Variants in CCDC146 observed in about 807,000 individuals in gnomAD.
CCDC146 encodes coiled-coil domain containing 146.
A neutral mutation model predicts 119.3 loss-of-function variants in CCDC146; 92 were observed. That is an observed-to-expected ratio of 0.77 (90% CI 0.65 to 0.92). The LOEUF (loss-of-function observed/expected upper bound fraction) is 0.92. CCDC146 is among the 40% of genes least tolerant of loss of function. The probability of loss-of-function intolerance (pLI) is 0.00; values close to 1 mark genes in which losing one functional copy is unlikely to be tolerated. For synonymous variants in CCDC146, 372 were observed against 371.8 expected (o/e 1.00, Z -0.01); for missense variants, 1,000 against 1,103.0 (o/e 0.91, Z 1.32).
chr7:77,153,356 T>G (rs1791133652), intron 1 of CCDC146, among the ~76,000 whole-genome samples: 1 of 152,046 alleles, frequency 6.6e-6, no homozygotes, highest in African/African-American at 2.4e-5. Context: ...TACACTAGTA[T>G]TGTAATGTTA....
chr7:77,289,417 C>G (rs572415909), intron 17 of CCDC146, among the ~76,000 whole-genome samples: 1 of 152,314 alleles, frequency 6.6e-6, no homozygotes, highest in East Asian at 1.9e-4. Flanking sequence ...TTGGCTTCTT[C>G]CTCCTCCCCA....
rs564666593 is a variant in CCDC146 at position 77,171,979 on chromosome 7, T to C, written c.156+4155T>C. On this transcript the variant is annotated intron_variant, in intron 2 of 18. Coordinates refer to ENST00000285871, the MANE Select transcript of CCDC146 (RefSeq NM_020879.3). ...TGGATGCATAATTTATAGTTATTAA[T>C]TGCTGGGTATAACAGGCCTCTGATA... 9.2e-5 allele frequency among the ~76,000 whole-genome samples: 14 copies of C among 152,362 alleles called. No homozygotes were observed. The East Asian group carries it at 1.3e-3, about 15-fold the overall frequency.
intron 14 of CCDC146, 77 bp downstream of exon 14, chr7:77,280,730 A>C (rs774364402): frequency 6.0e-5 from 57 of 952,626 alleles, no homozygotes; most frequent in Non-Finnish European, 8.1e-5. Flanking sequence ...TAGACTTGAC[A>C]GTGAATAGTG....
At chr7:77,160,595 C>G (rs966413468) in intron 1 of CCDC146, among the ~76,000 whole-genome samples, 1 of 152,104 alleles carries the variant, frequency 6.6e-6, no homozygotes, top group East Asian at 1.9e-4. Flanking sequence ...TATAGGAATG[C>G]TTGTGATTTT....
intron 7 of CCDC146, chr7:77,259,311 T>C (rs1668379077): frequency 5.3e-6 from 2 of 378,118 alleles, no homozygotes; most frequent in African/African-American, 2.1e-5. Context: ...TTATAAATCA[T>C]ATTTTTATGG....
intron 1 of CCDC146, among the ~76,000 whole-genome samples, chr7:77,156,654 T>C (rs963352142): frequency 6.6e-5 from 10 of 152,340 alleles, no homozygotes; most frequent in African/African-American, 2.4e-4. Context: ...AAAATGAGCA[T>C]TGTATAATTG....
At chr7:77,176,153 C>T (rs1369456786) in intron 2 of CCDC146, among the ~76,000 whole-genome samples, 1 of 151,034 alleles carries the variant, frequency 6.6e-6, no homozygotes, top group African/African-American at 2.5e-5. Flanking sequence ...CCCAAAGTAC[C>T]TCAAACTAAA....
intron 1 of CCDC146, among the ~76,000 whole-genome samples, chr7:77,149,266 G>T (rs1046598121): frequency 1.3e-5 from 2 of 152,050 alleles, no homozygotes; most frequent in Non-Finnish European, 2.9e-5. Flanking sequence ...GGGAAAACTG[G>T]CTAGCCATAT....
chr7:77,145,663 A>G (rs1791006214), intron 1 of CCDC146, among the ~76,000 whole-genome samples: 1 of 152,196 alleles, frequency 6.6e-6, no homozygotes, highest in Non-Finnish European at 1.5e-5. Context: ...TTCTGCCTTC[A>G]CTTCGTTATG....
chr7:77,282,918 T>A, intron 15 of CCDC146, 133 bp downstream of exon 15: 1 of 638,304 alleles, frequency 1.6e-6, no homozygotes. Flanking sequence ...CCATCTTGTT[T>A]AAAAATACAT....
intron 9 of CCDC146, among the ~76,000 whole-genome samples, chr7:77,273,448 C>T (rs530501886): frequency 6.6e-6 from 1 of 152,194 alleles, no homozygotes; most frequent in South Asian, 2.1e-4. Context: ...GATTGAGATT[C>T]GTGATTTGCT....
chr7:77,287,907 C>T (rs1027201073), intron 17 of CCDC146, among the ~76,000 whole-genome samples: 13 of 152,276 alleles, frequency 8.5e-5, no homozygotes, highest in East Asian at 3.9e-4. Context: ...TTAAGTGGAG[C>T]GCCTCACTTA....
chr7:77,253,799 C>T (rs1023997619), intron 4 of CCDC146, among the ~76,000 whole-genome samples: 11 of 152,132 alleles, frequency 7.2e-5, no homozygotes, highest in Non-Finnish European at 1.2e-4. Context: ...AAGATGATAT[C>T]GGTACAGGTC....
intron 1 of CCDC146, among the ~76,000 whole-genome samples, chr7:77,140,924 T>G (rs1441813352): frequency 6.6e-6 from 1 of 151,898 alleles, no homozygotes; most frequent in African/African-American, 2.4e-5. Context: ...CCATTAGCCT[T>G]TATTTTTTTT....
Position 77,196,040 on chromosome 7 carries a change from A to G in CCDC146, c.156+28216A>G, listed in dbSNP as rs533479930. 11 of 458,758 alleles carry G rather than the reference A, an allele frequency of 2.4e-5. No homozygotes were observed. In the East Asian group the frequency reaches 2.6e-4, roughly 11 times the overall value. The allele number at this position is 458,758 out of a possible 1,614,324, so 28.4% of individuals were successfully genotyped here. ...ATTAAAAGAATTGTAAATCTAATGT[A>G]TAATTCTCAATATTGCTAATTGCTT... On this transcript the variant is annotated intron_variant, in intron 2 of 18. Coordinates refer to ENST00000285871, the MANE Select transcript of CCDC146 (RefSeq NM_020879.3). This position sits in a 1 kb window ranked among gnomAD's most constrained non-coding sequence, Gnocchi z 4.2.
intron 9 of CCDC146, among the ~76,000 whole-genome samples, chr7:77,268,071 C>T (rs1240599566): frequency 3.3e-5 from 5 of 152,120 alleles, no homozygotes; most frequent in African/African-American, 7.2e-5. Context: ...ACTTGAGGAA[C>T]GGTTTAAAGA....
At chr7:77,190,345 A>C (rs954165351) in intron 2 of CCDC146, among the ~76,000 whole-genome samples, 11 of 152,228 alleles carry the variant, frequency 7.2e-5, no homozygotes. Context: ...TTCCTTAATC[A>C]GGCAACCTCA....
intron 1 of CCDC146, among the ~76,000 whole-genome samples, chr7:77,124,911 G>A (rs893492578): frequency 1.3e-5 from 2 of 152,120 alleles, no homozygotes; most frequent in Non-Finnish European, 2.9e-5. Context: ...AATGCTCCCT[G>A]GCCAGGTGCA....
intron 15 of CCDC146, among the ~76,000 whole-genome samples, chr7:77,286,306 A>G (rs1476371762): frequency 6.6e-6 from 1 of 152,050 alleles, no homozygotes; most frequent in Non-Finnish European, 1.5e-5. Context: ...TTGAGAACTC[A>G]CTCATTATTG....
Sources: gnomAD v4.1 joint callset for allele counts (sites outside exome capture counted in the v4.1 genomes callset) on GRCh38, gnomAD v4.1.1 for gene constraint, Gnocchi (gnomAD v3.1) non-coding constraint, MANE v1.5 for transcripts, NCBI Gene and HGNC (gene_info 2026-07-23, HGNC 2026-07-21) for gene names.